The following SV2C variants were observed in gnomAD, a reference collection of about 807,000 sequenced individuals.
SV2C encodes synaptic vesicle glycoprotein 2C.
A neutral mutation model predicts 79.7 loss-of-function variants in SV2C; 49 were observed. The observed-to-expected ratio is 0.61, with a 90% CI of 0.49 to 0.78. SV2C has a LOEUF of 0.78. SV2C is among the 30% of genes least tolerant of loss of function. SV2C has a pLI of 0.00. For missense variants in SV2C, 833 were observed against 912.9 expected, an observed-to-expected ratio of 0.91 and a Z score of 1.13; for synonymous variants, 334 against 333.2, an observed-to-expected ratio of 1.00 and a Z score of -0.03.
intron 3 of SV2C, among the ~76,000 whole-genome samples, chr5:76,200,864 A>T (rs536827932): frequency 1.4e-3 from 212 of 151,958 alleles, no homozygotes; most frequent in African/African-American, 4.9e-3. Context: ...CTGGTTTCAA[A>T]CTCCTGGATT....
chr5:76,267,729 C>T (rs1020107908), intron 4 of SV2C, among the ~76,000 whole-genome samples: 1 of 152,218 alleles, frequency 6.6e-6, no homozygotes, highest in Non-Finnish European at 1.5e-5. Context: ...CTAAAAGTGA[C>T]ATTTGATGTG....
At chr5:76,012,688 T>A in the SV2C span, among the ~76,000 whole-genome samples, 10 of 152,242 alleles carry the variant, frequency 6.6e-5, no homozygotes, top group African/African-American at 2.4e-4. Context: ...CCCATGCCTA[T>A]GTCCTGAATG....
chr5:75,868,431 A>G, the SV2C span, among the ~76,000 whole-genome samples: 1 of 152,174 alleles, frequency 6.6e-6, no homozygotes, highest in Non-Finnish European at 1.5e-5. Context: ...CTATGTGTGG[A>G]TGGGTTGGAG....
Position 76,331,435 on chromosome 5 carries a change from A to C in SV2C, c.*5888A>C, listed in dbSNP as rs1580081438. On this transcript the variant is annotated 3_prime_UTR_variant, in exon 13 of 13. Coordinates refer to ENST00000502798, the MANE Select transcript of SV2C (RefSeq NM_014979.4). ...TAAGCCATCCAGAAAACAGGTTCTG[A>C]CAGCCAGTAGCAGGGGTATTTTGGG... 6.6e-6 allele frequency: 1 copy of C among 152,246 alleles called. No homozygotes were observed. The highest frequency in any genetic ancestry group is 1.5e-5 in the Non-Finnish European group (1 of 68,090). 9.4% of individuals were successfully genotyped at this position (152,246 alleles called of 1,614,324 possible).
At chr5:76,009,389 A>T in the SV2C span, among the ~76,000 whole-genome samples, 1 of 152,206 alleles carries the variant, frequency 6.6e-6, no homozygotes, top group Non-Finnish European at 1.5e-5. Flanking sequence ...TTACCATTTG[A>T]CCCAGAAATC....
At chr5:75,922,393 TAA>T in the SV2C span, among the ~76,000 whole-genome samples, 1 of 152,038 alleles carries the variant, frequency 6.6e-6, no homozygotes, top group Non-Finnish European at 1.5e-5. Context: ...TAAAATTAAA[TAA>T]AAAAATTGAA....
At chr5:76,108,720 T>C (rs1748006734) in intron 1 of SV2C, among the ~76,000 whole-genome samples, 1 of 152,222 alleles carries the variant, frequency 6.6e-6, no homozygotes, top group Non-Finnish European at 1.5e-5. Context: ...AAGCCTTAAA[T>C]TATCTTTTGC....
chr5:76,023,900 A>G, the SV2C span, among the ~76,000 whole-genome samples: 1 of 151,532 alleles, frequency 6.6e-6, no homozygotes, highest in South Asian at 2.1e-4. Context: ...CCCATGCCTT[A>G]TGTTTAATGA....
At chr5:76,064,758 C>T in the SV2C span, among the ~76,000 whole-genome samples, 3 of 152,232 alleles carry the variant, frequency 2.0e-5, no homozygotes, top group East Asian at 5.8e-4. Context: ...GTCAACCTTT[C>T]CCTAACCTTT....
At chr5:76,053,333 A>C in the SV2C span, among the ~76,000 whole-genome samples, 1 of 152,172 alleles carries the variant, frequency 6.6e-6, no homozygotes, top group Non-Finnish European at 1.5e-5. Flanking sequence ...TCTGGAATTG[A>C]AATAAGGGAA....
At chr5:76,294,304 C>CTTTTTT (rs70979391) in intron 8 of SV2C, among the ~76,000 whole-genome samples, 7 of 129,490 alleles carry the variant, frequency 5.4e-5, no homozygotes, top group East Asian at 2.3e-4. Context: ...TTCTCTCTCT[C>CTTTTTT]TTTTTTTTTT....
At chr5:76,271,567 C>A (rs1473809081) in intron 4 of SV2C, among the ~76,000 whole-genome samples, 2 of 149,290 alleles carry the variant, frequency 1.3e-5, no homozygotes, top group Non-Finnish European at 3.0e-5. Context: ...ATATACTGTG[C>A]TATAAAGCAA....
At chr5:76,058,448 C>A in the SV2C span, among the ~76,000 whole-genome samples, 1 of 152,100 alleles carries the variant, frequency 6.6e-6, no homozygotes, top group Non-Finnish European at 1.5e-5. Context: ...ATCCCTGAAG[C>A]CTGCCCAGAA....
intron 2 of SV2C, among the ~76,000 whole-genome samples, chr5:76,194,492 G>A (rs1744208900): frequency 6.6e-6 from 1 of 152,168 alleles, no homozygotes; most frequent in African/African-American, 2.4e-5. Flanking sequence ...ATGACAGGAG[G>A]AATCTCCATT....
the SV2C span, chr5:75,911,755 G>T: frequency 1.6e-6 from 1 of 617,098 alleles, no homozygotes; most frequent in South Asian, 1.4e-5. Flanking sequence ...GCTTGTCTTA[G>T]CTGACTCCTC....
chr5:76,106,017 C>T (rs1747898062), intron 1 of SV2C, among the ~76,000 whole-genome samples: 1 of 152,140 alleles, frequency 6.6e-6, no homozygotes, highest in African/African-American at 2.4e-5. Flanking sequence ...ACCTCTATCC[C>T]CTGAACTTCA....
At chr5:75,997,467 C>A in the SV2C span, among the ~76,000 whole-genome samples, 1 of 152,080 alleles carries the variant, frequency 6.6e-6, no homozygotes, top group African/African-American at 2.4e-5. Context: ...TATCCAGAAT[C>A]TACAATGAAC....
chr5:76,224,778 A>G (rs1230113701), intron 4 of SV2C, among the ~76,000 whole-genome samples: 1 of 152,200 alleles, frequency 6.6e-6, no homozygotes, highest in Non-Finnish European at 1.5e-5. Flanking sequence ...AAGGTAAAAA[A>G]TTGTAGAGCT....
intron 4 of SV2C, among the ~76,000 whole-genome samples, chr5:76,272,089 C>A (rs997826919): frequency 6.6e-6 from 1 of 152,074 alleles, no homozygotes; most frequent in African/African-American, 2.4e-5. Flanking sequence ...GGATCAGAGA[C>A]TATAAGGCAA....
Sources: gnomAD v4.1 joint callset for allele counts (sites outside exome capture counted in the v4.1 genomes callset) on GRCh38, gnomAD v4.1.1 for gene constraint, MANE v1.5 for transcripts, NCBI Gene and HGNC (gene_info 2026-07-23, HGNC 2026-07-21) for gene names.